The following TECRL variants were observed in gnomAD, a reference collection of about 807,000 sequenced individuals.
TECRL encodes trans-2,3-enoyl-CoA reductase like.
In TECRL, 63 loss-of-function variants were observed where a neutral mutation model predicts 52.8. That is an observed-to-expected ratio of 1.19 (90% CI 0.97 to 1.47). The LOEUF (loss-of-function observed/expected upper bound fraction) is 1.47. Among genes scored for constraint, TECRL ranks in the 40% most tolerant of loss-of-function variants. The pLI is 0.00. For missense variants in TECRL, 482 were observed against 429.6 expected (o/e 1.12, Z -1.08); for synonymous variants, 164 against 141.9 (o/e 1.16, Z -1.10).
intron 7 of TECRL, among the ~76,000 whole-genome samples, chr4:64,302,516 G>T (rs550033036): frequency 2.6e-5 from 4 of 151,454 alleles, no homozygotes; most frequent in Non-Finnish European, 5.9e-5. Flanking sequence ...TGTTGAAGGA[G>T]CATACCTTAT....
chr4:64,406,207 TA>T (rs1050929844), intron 1 of TECRL, among the ~76,000 whole-genome samples: 6 of 151,222 alleles, frequency 4.0e-5, no homozygotes, highest in Admixed American at 3.3e-4. Context: ...TTAAAGAACA[TA>T]ATAAATATAT....
chr4:64,290,729 G>GA (rs1723334461), intron 8 of TECRL, among the ~76,000 whole-genome samples: 1 of 151,738 alleles, frequency 6.6e-6, no homozygotes, highest in Non-Finnish European at 1.5e-5. Context: ...TAAATTTTAG[G>GA]AAAAAATAGA....
At chr4:64,378,334 G>C (rs149941945) in intron 1 of TECRL, among the ~76,000 whole-genome samples, 2 of 152,014 alleles carry the variant, frequency 1.3e-5, no homozygotes, top group Non-Finnish European at 2.9e-5. Context: ...TGGAAACCAA[G>C]GCAGAAGGAT....
intron 1 of TECRL, among the ~76,000 whole-genome samples, chr4:64,401,297 T>G (rs1724344228): frequency 6.6e-6 from 1 of 152,200 alleles, no homozygotes; most frequent in Non-Finnish European, 1.5e-5. Context: ...TTTTGAAGTA[T>G]CACACCATGT....
intron 1 of TECRL, among the ~76,000 whole-genome samples, chr4:64,377,770 T>C (rs1290678764): frequency 6.6e-6 from 1 of 152,132 alleles, no homozygotes; most frequent in African/African-American, 2.4e-5. Context: ...GGAATTTGTT[T>C]GAATTTGCCC....
At chr4:64,407,478 A>T (rs1014282973) in intron 1 of TECRL, among the ~76,000 whole-genome samples, 1 of 142,612 alleles carries the variant, frequency 7.0e-6, no homozygotes, top group African/African-American at 2.6e-5. Flanking sequence ...ATTAGGAACT[A>T]ATTGGCATGT....
At chr4:64,368,569 C>CA (rs1274913092) in intron 2 of TECRL, among the ~76,000 whole-genome samples, 1 of 152,172 alleles carries the variant, frequency 6.6e-6, no homozygotes, top group East Asian at 1.9e-4. Flanking sequence ...GCTGGGATTA[C>CA]AGGCATGAGC....
At chr4:64,316,150 C>G (rs1262221276) in intron 4 of TECRL, among the ~76,000 whole-genome samples, 1 of 152,010 alleles carries the variant, frequency 6.6e-6, no homozygotes, top group Non-Finnish European at 1.5e-5. Flanking sequence ...CAAATTTGAG[C>G]AAATTCTCTA....
intron 6 of TECRL, among the ~76,000 whole-genome samples, chr4:64,307,287 G>A (rs973581125): frequency 2.0e-5 from 3 of 152,058 alleles, no homozygotes; most frequent in African/African-American, 7.2e-5. Flanking sequence ...GGGAAGCTTT[G>A]GGTATGAAGC....
intron 2 of TECRL, among the ~76,000 whole-genome samples, chr4:64,329,233 G>T (rs541987700): frequency 6.6e-6 from 1 of 151,712 alleles, no homozygotes; most frequent in Non-Finnish European, 1.5e-5. Context: ...CTATACTATC[G>T]TTTTAAAGTC....
chr4:64,282,887 A>G (rs911238014), intron 9 of TECRL, among the ~76,000 whole-genome samples: 1 of 152,016 alleles, frequency 6.6e-6, no homozygotes, highest in African/African-American at 2.4e-5. Context: ...TGTTCTCTCA[A>G]CCTATAGTTA....
chr4:64,295,757 CTT>C (rs896230475), intron 8 of TECRL, among the ~76,000 whole-genome samples: 129 of 151,896 alleles, frequency 8.5e-4, no homozygotes, highest in Admixed American at 4.2e-3. Flanking sequence ...AATCATTACT[CTT>C]ATATTTCTGC....
chr4:64,352,659 T>A (rs918440752), intron 2 of TECRL, among the ~76,000 whole-genome samples: 1 of 152,182 alleles, frequency 6.6e-6, no homozygotes, highest in African/African-American at 2.4e-5. Flanking sequence ...ACTTCCTCTA[T>A]AGTAAAATTG....
intron 2 of TECRL, among the ~76,000 whole-genome samples, chr4:64,353,485 T>C (rs1445898352): frequency 1.3e-5 from 2 of 152,120 alleles, no homozygotes; most frequent in East Asian, 1.9e-4. Context: ...TGGTATAAAG[T>C]TGATAAACTG....
chr4:64,349,523 C>G (rs1720233978), intron 2 of TECRL, among the ~76,000 whole-genome samples: 2 of 152,108 alleles, frequency 1.3e-5, no homozygotes, highest in South Asian at 2.1e-4. Context: ...GAGTGAAAAT[C>G]CAAAATCCTT....
chr4:64,393,753 G>A (rs1213725052), intron 1 of TECRL, among the ~76,000 whole-genome samples: 1 of 151,594 alleles, frequency 6.6e-6, no homozygotes, highest in Non-Finnish European at 1.5e-5. Context: ...TAGACTCAAG[G>A]AAGAATTGTT....
intron 8 of TECRL, among the ~76,000 whole-genome samples, chr4:64,290,082 C>T (rs1232418485): frequency 1.3e-5 from 2 of 152,126 alleles, no homozygotes; most frequent in African/African-American, 4.8e-5. Flanking sequence ...CCAGATCATA[C>T]AGAGACAACT....
At chr4:64,288,299 G>A (rs1723185737) in intron 9 of TECRL, among the ~76,000 whole-genome samples, 1 of 152,036 alleles carries the variant, frequency 6.6e-6, no homozygotes, top group South Asian at 2.1e-4. Context: ...TGAAGATGAG[G>A]AGCATAGTGA....
chr4:64,335,556 GT>G (rs1719009942), intron 2 of TECRL, among the ~76,000 whole-genome samples: 1 of 152,142 alleles, frequency 6.6e-6, no homozygotes, highest in Non-Finnish European at 1.5e-5. Context: ...TACATCCCCT[GT>G]GTGTGGAGAA....
Sources: gnomAD v4.1 joint callset for allele counts (sites outside exome capture counted in the v4.1 genomes callset) on GRCh38, gnomAD v4.1.1 for gene constraint, MANE v1.5 for transcripts, NCBI Gene and HGNC (gene_info 2026-07-23, HGNC 2026-07-21) for gene names.